Variants in ETV5 observed in about 807,000 individuals in gnomAD.
ETV5 encodes the protein ETS translocation variant 5.
A neutral mutation model predicts 70.0 loss-of-function variants in ETV5; 10 were observed. The ratio of observed to expected loss-of-function variants is 0.14; its 90% confidence interval spans 0.09 to 0.24. The LOEUF is 0.24. ETV5 is among the 10% of genes least tolerant of loss of function. The probability of loss-of-function intolerance (pLI) is 1.00; values close to 1 mark genes in which losing one functional copy is unlikely to be tolerated. For missense variants in ETV5, 453 were observed against 651.2 expected, an observed-to-expected ratio of 0.70 and a Z score of 3.31; for synonymous variants, 216 against 242.2, an observed-to-expected ratio of 0.89 and a Z score of 1.01.
chr3:186,102,171 A>T (rs554163152), intron 5 of ETV5, among the ~76,000 whole-genome samples: 38 of 151,592 alleles, frequency 2.5e-4, no homozygotes, highest in African/African-American at 8.2e-4. Context: ...TGTTTAGAGA[A>T]AAAAAAAAGC....
At chr3:186,083,411 G>A (rs1056395352) in intron 5 of ETV5, among the ~76,000 whole-genome samples, 1 of 152,216 alleles carries the variant, frequency 6.6e-6, no homozygotes, top group Non-Finnish European at 1.5e-5. Flanking sequence ...TCAGGTTTTA[G>A]AAGTGTCTTG....
intron 5 of ETV5, chr3:186,104,778 GT>G (rs1714547819): frequency 7.2e-6 from 1 of 139,800 alleles, no homozygotes. Context: ...GTCTTGCTCT[GT>G]TGCCCAGGCT....
intron 5 of ETV5, among the ~76,000 whole-genome samples, chr3:186,092,380 C>G (rs1714201398): frequency 6.6e-6 from 1 of 152,166 alleles, no homozygotes; most frequent in Admixed American, 6.5e-5. Context: ...TCCCAGAATA[C>G]AGGAATTAAG....
intron 5 of ETV5, among the ~76,000 whole-genome samples, chr3:186,097,515 C>T (rs751564270): frequency 1.9e-4 from 29 of 152,142 alleles, no homozygotes; most frequent in Non-Finnish European, 3.8e-4. Context: ...TTAACAGCCT[C>T]AGATCAAGTC....
Position 186,056,974 on chromosome 3 carries a change from A to G in ETV5, c.1209+101T>C, listed in dbSNP as rs766412283. On this transcript the variant is annotated intron_variant, in intron 11 of 12. Transcript: ENST00000306376. ...CAGGCCAGAATATGAATGAGAAGCAAGAGCAGACTTGACACAAAAAGCCTC... is the reference window on the plus strand; with the variant it reads ...CAGGCCAGAATATGAATGAGAAGCAGGAGCAGACTTGACACAAAAAGCCTC... 6.4e-4 allele frequency: 870 copies of G among 1,365,568 alleles called. 1 individual carries two copies. Among genetic ancestry groups the G allele is most frequent in the Non-Finnish European group, 8.1e-4 (813 of 997,976 alleles). The allele number at this position is 1,365,568 out of a possible 1,614,324, so 84.6% of individuals were successfully genotyped here. A position where few individuals can be genotyped will look rare whatever the true frequency, so the allele number is the denominator to read the frequency against.
chr3:186,105,958 G>T lies in ETV5; in HGVS notation c.-74-16C>A. The T allele has an allele frequency of 2.0e-6, 3 of 1,528,416 alleles. No individual in the cohort carries two copies. The highest frequency in any genetic ancestry group is 2.4e-5 in the South Asian group (2 of 82,936). The allele number at this position is 1,528,416 out of a possible 1,614,324, so 94.7% of individuals were successfully genotyped here. ...AGGGATCCTCCTGTAATATGAATTT[G>T]GGAGATTTTAACTAAGAGGGGGGAA... is the stretch of plus-strand genomic sequence containing the variant. On this transcript the variant is annotated splice_polypyrimidine_tract_variant and intron_variant, in intron 1 of 12. Coordinates refer to ENST00000306376, the MANE Select transcript of ETV5 (RefSeq NM_004454.3). The surrounding 1 kb of genome is among the most constrained non-coding windows in gnomAD (Gnocchi z 4.5).
chr3:186,048,235 T>C lies in ETV5; in HGVS notation c.*404A>G, dbSNP rs764596642. On this transcript the variant is annotated 3_prime_UTR_variant, in exon 13 of 13. Coordinates refer to ENST00000306376, the MANE Select transcript of ETV5 (RefSeq NM_004454.3). Reference sequence around the variant, plus strand: ...ATGGGTTTGTGATTTTTCAACAAATTGTGCAAATCAGAGCCCTTCTATGTA... The same window carrying C: ...ATGGGTTTGTGATTTTTCAACAAATCGTGCAAATCAGAGCCCTTCTATGTA... The C allele has an allele frequency of 1.0e-4, 25 of 250,194 alleles. No individual in the cohort carries two copies. Among genetic ancestry groups the C allele is most frequent in the African/African-American group, 5.0e-4 (23 of 45,676 alleles). The allele number at this position is 250,194 out of a possible 1,614,324, so 15.5% of individuals were successfully genotyped here. A position where few individuals can be genotyped will look rare whatever the true frequency, so the allele number is the denominator to read the frequency against.
At chr3:186,082,270 TG>T (rs780923996) in intron 5 of ETV5, among the ~76,000 whole-genome samples, 6 of 152,226 alleles carry the variant, frequency 3.9e-5, no homozygotes, top group Admixed American at 6.5e-5. Context: ...CACTGGCCAC[TG>T]TATCAAAGGT....
intron 1 of ETV5, 152 bp downstream of exon 1, chr3:186,108,788 G>T: frequency 2.1e-6 from 1 of 466,020 alleles, no homozygotes. Flanking sequence ...GCGGGGGGAG[G>T]GGGCGGTCAA....
intron 5 of ETV5, among the ~76,000 whole-genome samples, chr3:186,090,140 A>G (rs1714147408): frequency 6.6e-6 from 1 of 152,266 alleles, no homozygotes; most frequent in East Asian, 1.9e-4. Flanking sequence ...GTTGACTAAC[A>G]TGTCAAAAGT....
intron 5 of ETV5, among the ~76,000 whole-genome samples, chr3:186,095,489 A>G (rs757018447): frequency 6.6e-6 from 1 of 152,234 alleles, no homozygotes; most frequent in Non-Finnish European, 1.5e-5. Flanking sequence ...TTGAAAATTC[A>G]TCCTTAAAAT....
intron 6 of ETV5, 33 bp downstream of exon 6, chr3:186,081,013 G>A (rs1313140473): frequency 3.2e-6 from 5 of 1,581,842 alleles, no homozygotes; most frequent in East Asian, 2.3e-5. Flanking sequence ...GCCTTTCTGG[G>A]CAGCCTTTCT....
At position 186,052,206 on chromosome 3, in the gene ETV5, G is replaced by C. The variant is rs1169682311; in HGVS notation, c.1210-75C>G. On this transcript the variant is annotated intron_variant, in intron 11 of 12. Transcript: ENST00000306376. This position sits in a 1 kb window ranked among gnomAD's most constrained non-coding sequence, Gnocchi z 4.5. ...CATGTTCTCTCCCAATCCCAGCAGA[G>C]CCAGTTCTGTAACCTGACTGCTTTG... 3 of 1,419,226 alleles carry C rather than the reference G, an allele frequency of 2.1e-6. No homozygotes were observed. The highest frequency in any genetic ancestry group is 3.0e-6 in the Non-Finnish European group (3 of 1,007,536). The allele number at this position is 1,419,226 out of a possible 1,614,324, so 87.9% of individuals were successfully genotyped here.
intron 7 of ETV5, among the ~76,000 whole-genome samples, chr3:186,076,817 A>G (rs186267905): frequency 1.3e-5 from 2 of 152,342 alleles, no homozygotes; most frequent in African/African-American, 2.4e-5. Flanking sequence ...TGTTAAGCAC[A>G]TGGGTTTGGA....
chr3:186,064,614 A>G (rs1387716446), intron 8 of ETV5, 138 bp from the exon 9 acceptor site: 2 of 811,812 alleles, frequency 2.5e-6, no homozygotes, highest in Non-Finnish European at 2.1e-6. Flanking sequence ...TTGTCCTGGG[A>G]AAGAGGTGCC....
Position 186,052,155 on chromosome 3 carries a change from G to C in ETV5, c.1210-24C>G. The C allele has an allele frequency of 6.2e-7, 1 of 1,609,626 alleles. No homozygotes were observed. Among genetic ancestry groups the C allele is most frequent in the Non-Finnish European group, 8.5e-7 (1 of 1,176,280 alleles). On this transcript the variant is annotated intron_variant, in intron 11 of 12. Coordinates refer to ENST00000306376, the MANE Select transcript of ETV5 (RefSeq NM_004454.3). The surrounding 1 kb of genome is among the most constrained non-coding windows in gnomAD (Gnocchi z 4.5). The stretch of plus-strand genomic sequence containing the variant: ...ACCTGAAGAGACAGGAAAGTGAAGA[G>C]CAATGGAAACGCATTCCCTGGGCCC...
chr3:186,047,007 A>T lies in ETV5; in HGVS notation c.*1632T>A. On this transcript the variant is annotated 3_prime_UTR_variant, in exon 13 of 13. Transcript: ENST00000306376. The stretch of plus-strand genomic sequence containing the variant: ...TGTTGGTCATAAGGGGGACAGTTTG[A>T]GACTATGGAGTGCTCCATGAATAGA... The T allele has an allele frequency of 4.4e-6, 1 of 228,646 alleles. No individual in the cohort carries two copies. The highest frequency in any genetic ancestry group is 8.7e-6 in the Non-Finnish European group (1 of 114,878). The allele number at this position is 228,646 out of a possible 1,614,324, so 14.2% of individuals were successfully genotyped here. A position where few individuals can be genotyped will look rare whatever the true frequency, so the allele number is the denominator to read the frequency against.
intron 1 of ETV5, chr3:186,108,627 G>A: frequency 8.5e-7 from 1 of 1,172,990 alleles, no homozygotes; most frequent in Middle Eastern, 2.5e-4. Flanking sequence ...TGAAAGCCTC[G>A]CAACTCCGCG....
chr3:186,050,221 T>G (rs1473373572), intron 12 of ETV5, among the ~76,000 whole-genome samples: 1 of 152,168 alleles, frequency 6.6e-6, no homozygotes, highest in Non-Finnish European at 1.5e-5. Context: ...CCTCAAATCA[T>G]ACAGCTAACA....
Sources: gnomAD v4.1 joint callset for allele counts (sites outside exome capture counted in the v4.1 genomes callset) on GRCh38, gnomAD v4.1.1 for gene constraint, Gnocchi (gnomAD v3.1) non-coding constraint, MANE v1.5 for transcripts, NCBI Gene and HGNC (gene_info 2026-07-23, HGNC 2026-07-21) for gene names.